The following ARFGEF2 variants were observed in gnomAD, a reference collection of about 807,000 sequenced individuals.
The protein encoded by ARFGEF2 is ARF guanine nucleotide exchange factor 2.
A neutral mutation model predicts 219.9 loss-of-function variants in ARFGEF2; 74 were observed. The ratio of observed to expected loss-of-function variants is 0.34; its 90% CI spans 0.28 to 0.41. The LOEUF is 0.41. Among genes scored for constraint, ARFGEF2 ranks in the 10% least tolerant of loss-of-function variants. ARFGEF2 has a pLI of 1.00. For missense variants in ARFGEF2, 1,743 were observed against 2,218.3 expected, an observed-to-expected ratio of 0.79 and a Z score of 4.30; for synonymous variants, 733 against 799.2, an observed-to-expected ratio of 0.92 and a Z score of 1.40.
At position 48,941,981 on chromosome 20, in the gene ARFGEF2, C is replaced by T; in HGVS notation, c.270C>T (p.Cys90=). The change falls in exon 3 of 39, where the codon TGC becomes TGT. Residue 90 remains cysteine (C), a synonymous_variant. Coordinates refer to ENST00000371917, the MANE Select transcript of ARFGEF2 (RefSeq NM_006420.3). The part of the protein sequence containing the change: ...SPRVVSTSLD[C]LQKLIAYGHI... ...GGGTAGTCAGCACATCCCTTGACTG[C>T]TTGCAGGTACCATGTTTAAACTTCG... 6.2e-7 allele frequency: 1 copy of T among 1,614,172 alleles called. No homozygotes were observed. The highest frequency in any genetic ancestry group is 8.5e-7 in the Non-Finnish European group (1 of 1,180,026).
chr20:48,990,951 A>G, intron 20 of ARFGEF2, 89 bp from the exon 21 acceptor site: 1 of 1,423,558 alleles, frequency 7.0e-7, no homozygotes, highest in Admixed American at 2.0e-5. Flanking sequence ...AAAAAGTATC[A>G]GAGAAGCCCA....
chr20:48,966,130 T>C lies in ARFGEF2; in HGVS notation c.1059+107T>C, dbSNP rs930850222. The C allele has an allele frequency of 8.7e-6, 12 of 1,379,712 alleles. No individual in the cohort carries two copies. In the African/African-American group the frequency reaches 1.7e-4, roughly 20 times the overall value. The allele number at this position is 1,379,712 out of a possible 1,614,324, so 85.5% of individuals were successfully genotyped here. A position where few individuals can be genotyped will look rare whatever the true frequency, so the allele number is the denominator to read the frequency against. On this transcript the variant is annotated intron_variant, in intron 8 of 38. Transcript: ENST00000371917. ...AAGCAACTAAAATAAGCAAGCCCTG[T>C]TCCTTTATTAGTCACACAGTCCTGG...
rs772904648 is a variant in ARFGEF2, at chr20:48,984,793, G to C, written c.2023G>C (p.Val675Leu). Residue 675 changes from valine to leucine, a missense_variant, in exon 15 of 39, where the codon GTT (valine) becomes CTT (leucine). By Grantham distance (32) the Val-to-Leu change is conservative. Transcript: ENST00000371917. The stretch of plus-strand genomic sequence containing the variant: ...GGAGCAGGGCATGCTGGGAACGTCA[G>C]TTGAAGACATAGCCCAATTCCTGCA... Reference protein sequence around the residue: ...LQEQGMLGTSVEDIAQFLHQE... With the variant: ...LQEQGMLGTSLEDIAQFLHQE... The C allele has an allele frequency of 8.1e-6, 13 of 1,613,288 alleles. No homozygotes were observed. Among genetic ancestry groups the C allele is most frequent in the Non-Finnish European group, 1.1e-5 (13 of 1,180,046 alleles).
At chr20:48,985,349 C>A (rs2123452740) in intron 15 of ARFGEF2, 59 bp from the exon 16 acceptor site, 13 of 1,581,390 alleles carry the variant, frequency 8.2e-6, no homozygotes, top group Non-Finnish European at 1.0e-5. Flanking sequence ...TGGCTGCTGG[C>A]TTTTGCTGAG....
At chr20:49,011,067 A>G (rs1193254742) in intron 27 of ARFGEF2, among the ~76,000 whole-genome samples, 3 of 152,212 alleles carry the variant, frequency 2.0e-5, no homozygotes, top group Non-Finnish European at 2.9e-5. Flanking sequence ...GTAGTATTCT[A>G]CGTGCAGAAA....
Position 48,960,096 on chromosome 20 carries a change from C to T in ARFGEF2, c.839-3734C>T, listed in dbSNP as rs555465977. Among the ~76,000 whole-genome samples, 283 of 152,162 alleles carry T rather than the reference C, an allele frequency of 1.9e-3. 3 individuals carry two copies. Among genetic ancestry groups the T allele is most frequent in the Middle Eastern group, 6.8e-3 (2 of 294 alleles). ...AGTCATAGGCAGTTTCACTGTTTTGCGAAAGAATATTATGGGTATACTTAC... is the reference window on the plus strand; with the variant it reads ...AGTCATAGGCAGTTTCACTGTTTTGTGAAAGAATATTATGGGTATACTTAC... On this transcript the variant is annotated intron_variant, in intron 6 of 38. Coordinates refer to ENST00000371917, the MANE Select transcript of ARFGEF2 (RefSeq NM_006420.3).
At chr20:48,922,069 A>G in intron 1 of ARFGEF2, 59 bp downstream of exon 1, 2 of 1,536,408 alleles carry the variant, frequency 1.3e-6, no homozygotes, top group Non-Finnish European at 8.8e-7. Context: ...CCGTTGCCCT[A>G]TCCTACTCGG....
chr20:49,025,385 C>T lies in ARFGEF2; in HGVS notation c.4828C>T (p.His1610Tyr), dbSNP rs995799318. The change falls in exon 36 of 39, where the codon CAC (histidine) becomes TAC (tyrosine). Residue 1610 changes from histidine (H) to tyrosine (Y), a missense_variant. Coordinates refer to ENST00000371917, the MANE Select transcript of ARFGEF2 (RefSeq NM_006420.3). ...QGMYKYMSSQHLFKLLDCLQE... is the reference protein window; with the variant it reads ...QGMYKYMSSQYLFKLLDCLQE... ...CATGTATAAGTACATGTCTTCCCAG[C>T]ACCTCTTCAAGCTGTTGGACTGTTT... The T allele has an allele frequency of 4.3e-6, 7 of 1,614,086 alleles. No individual in the cohort carries two copies. Among genetic ancestry groups the T allele is most frequent in the Middle Eastern group, 1.7e-4 (1 of 6,060 alleles).
At chr20:49,003,701 G>C (rs940553266) in intron 25 of ARFGEF2, among the ~76,000 whole-genome samples, 1 of 152,186 alleles carries the variant, frequency 6.6e-6, no homozygotes, top group African/African-American at 2.4e-5. Context: ...GATATCCCCA[G>C]ATCTCCTGGC....
In ARFGEF2 at chr20:49,013,974, A is replaced by G. The variant is rs760935414; in HGVS notation, c.4179+14A>G. 27 of 1,613,736 alleles carry G rather than the reference A, an allele frequency of 1.7e-5. No homozygotes were observed. Among genetic ancestry groups the G allele is most frequent in the Non-Finnish European group, 2.3e-5 (27 of 1,179,852 alleles). ...CAACTGTCAGAGGTAGGTGATAACT[A>G]CAGCACTGCCCTAGGTATGATGGAG... On this transcript the variant is annotated intron_variant, in intron 30 of 38. Transcript: ENST00000371917.
chr20:48,999,274 C>G, intron 25 of ARFGEF2: 1 of 452,696 alleles, frequency 2.2e-6, no homozygotes, highest in Admixed American at 2.4e-5. Flanking sequence ...AAATCAGTAA[C>G]AAGCCAAAGA....
At chr20:49,001,832 G>A (rs1428656442) in intron 25 of ARFGEF2, among the ~76,000 whole-genome samples, 1 of 151,926 alleles carries the variant, frequency 6.6e-6, no homozygotes, top group African/African-American at 2.4e-5. Context: ...GGTTTGTTTC[G>A]CTTTTTAAAA....
rs758877466 is a variant in ARFGEF2, at chr20:48,989,446, C to T, written c.2685+10C>T. 6 of 1,614,230 alleles carry T rather than the reference C, an allele frequency of 3.7e-6. No homozygotes were observed. The highest frequency in any genetic ancestry group is 4.2e-6 in the Non-Finnish European group (5 of 1,180,040). On this transcript the variant is annotated intron_variant, in intron 19 of 38. Coordinates refer to ENST00000371917, the MANE Select transcript of ARFGEF2 (RefSeq NM_006420.3). ...CCGGCCAATGTTCAAAGTGAGTATC[C>T]TGAGAACTTAGCAAGCATGTGGCTA...
chr20:48,947,158 G>A (rs913706699), intron 3 of ARFGEF2, among the ~76,000 whole-genome samples: 1 of 152,296 alleles, frequency 6.6e-6, no homozygotes, highest in South Asian at 2.1e-4. Context: ...CAGCACTTTG[G>A]GAGGCCGAGA....
At chr20:48,943,611 C>A (rs2091006966) in intron 3 of ARFGEF2, among the ~76,000 whole-genome samples, 1 of 152,120 alleles carries the variant, frequency 6.6e-6, no homozygotes, top group African/African-American at 2.4e-5. Context: ...CACTCTGTTG[C>A]CCAGGCTGTA....
rs141999385 is a variant in ARFGEF2 at position 48,995,799 on chromosome 20, C to T, written c.3138C>T (p.Gly1046=). 31 of 1,613,816 alleles carry T rather than the reference C, an allele frequency of 1.9e-5. No homozygotes were observed. Among genetic ancestry groups the T allele is most frequent in the South Asian group, 3.3e-5 (3 of 91,062 alleles). ...GTGTTTCAGGTAATTTGGTGAGTGG[C>T]GGAGTGGATAAAAGACAGATGGCCA... is the stretch of plus-strand genomic sequence containing the variant. ...MGLGLGNLVS[G]GVDKRQMASF... Residue 1046 remains glycine (G), a synonymous_variant, in exon 23 of 39, where the codon GGC becomes GGT. Coordinates refer to ENST00000371917, the MANE Select transcript of ARFGEF2 (RefSeq NM_006420.3).
chr20:48,950,993 C>T lies in ARFGEF2; in HGVS notation c.277-330C>T, dbSNP rs189034235. Among the ~76,000 whole-genome samples the T allele has an allele frequency of 7.6e-4, 115 of 151,648 alleles. 3 individuals carry two copies. The highest frequency in any genetic ancestry group is 6.8e-3 in the Middle Eastern group (2 of 294). ...GATCACTCCCTATGTCTCCCTACGC[C>T]GCCCCCCTAACTCTAGACAACCACT... is the stretch of plus-strand genomic sequence containing the variant. On this transcript the variant is annotated intron_variant, in intron 3 of 38. Transcript: ENST00000371917.
At chr20:49,007,032 A>G (rs1756899768) in intron 26 of ARFGEF2, among the ~76,000 whole-genome samples, 1 of 152,068 alleles carries the variant, frequency 6.6e-6, no homozygotes, top group Admixed American at 6.6e-5. Context: ...ATTTTAAAGG[A>G]TCACCCTGCA....
At chr20:48,979,466 G>A (rs1222930274) in intron 14 of ARFGEF2, among the ~76,000 whole-genome samples, 1 of 152,134 alleles carries the variant, frequency 6.6e-6, no homozygotes, top group African/African-American at 2.4e-5. Context: ...CCAGGCTTTG[G>A]TATCAGGATG....
Sources: gnomAD v4.1 joint callset for allele counts (sites outside exome capture counted in the v4.1 genomes callset) on GRCh38, gnomAD v4.1.1 for gene constraint, MANE v1.5 for transcripts, NCBI Gene and HGNC (gene_info 2026-07-23, HGNC 2026-07-21) for gene names.